Variants in R3HDM1 observed in about 807,000 individuals in gnomAD.
The protein encoded by R3HDM1 is R3H domain-containing protein 1.
A neutral mutation model predicts 141.1 loss-of-function variants in R3HDM1; 46 were observed. That is an observed-to-expected ratio of 0.33 (90% CI 0.26 to 0.42). The LOEUF is 0.42. Ranked by LOEUF, R3HDM1 falls within the 10% of genes least tolerant of loss-of-function variation. R3HDM1 has a pLI of 1.00. For missense variants in R3HDM1, 1,184 were observed against 1,368.3 expected (o/e 0.87, Z 2.12); for synonymous variants, 435 against 472.9 (o/e 0.92, Z 1.04).
chr2:135,667,161 T>TC, intron 19 of R3HDM1: 1 of 974,940 alleles, frequency 1.0e-6, no homozygotes, highest in South Asian at 4.8e-5. Flanking sequence ...TAATGCCTGT[T>TC]CAATACTTTT....
At chr2:135,708,584 G>C (rs2075233778) in intron 21 of R3HDM1, among the ~76,000 whole-genome samples, 1 of 152,062 alleles carries the variant, frequency 6.6e-6, no homozygotes, top group Non-Finnish European at 1.5e-5. Flanking sequence ...GTATCATTCT[G>C]TGGTTTTTAA....
chr2:135,658,201 C>G (rs758915261), intron 18 of R3HDM1, among the ~76,000 whole-genome samples: 1 of 152,142 alleles, frequency 6.6e-6, no homozygotes, highest in Non-Finnish European at 1.5e-5. Context: ...GAGTCTCGCT[C>G]TGCCGCCAGG....
intron 1 of R3HDM1, 49 bp from the exon 2 acceptor site, chr2:135,602,451 A>G (rs1295027759): frequency 2.6e-6 from 3 of 1,174,928 alleles, no homozygotes; most frequent in African/African-American, 1.6e-5. Flanking sequence ...GGAGTGTTCC[A>G]TTTCCCTTGG....
At chr2:135,688,948 T>A (rs909113561) in intron 21 of R3HDM1, among the ~76,000 whole-genome samples, 2 of 152,294 alleles carry the variant, frequency 1.3e-5, no homozygotes, top group East Asian at 3.9e-4. Flanking sequence ...AAAGAAATAC[T>A]GCAGAGTTTT....
In R3HDM1 at chr2:135,531,496, G is replaced by A. The variant is rs1409363721; in HGVS notation, c.-387G>A. On this transcript the variant is annotated 5_prime_UTR_variant, in exon 1 of 27. Transcript: ENST00000683871. The stretch of plus-strand genomic sequence containing the variant: ...GGGAAGGGGCGGGATTCTGCCAGCC[G>A]CGGCTGCCGCTGGAGCCGGTGTCCG... 15 of 985,678 alleles carry A rather than the reference G, an allele frequency of 1.5e-5. No homozygotes were observed. The highest frequency in any genetic ancestry group is 1.8e-5 in the Non-Finnish European group (15 of 830,034). 61.1% of individuals were successfully genotyped at this position (985,678 alleles called of 1,614,324 possible). A position where few individuals can be genotyped will look rare whatever the true frequency, so the allele number is the denominator to read the frequency against.
chr2:135,579,628 A>C (rs1435783128), intron 1 of R3HDM1, among the ~76,000 whole-genome samples: 1 of 150,224 alleles, frequency 6.7e-6, no homozygotes, highest in Non-Finnish European at 1.5e-5. Context: ...TACCACCTTA[A>C]CCAGGTAAAG....
chr2:135,684,748 G>T (rs2592399), intron 21 of R3HDM1, among the ~76,000 whole-genome samples: 4,309 of 147,334 alleles, frequency 0.029, 190 homozygotes, highest in African/African-American at 0.092. Flanking sequence ...ATTCTCTTGC[G>T]TTTTTTTTTT....
intron 1 of R3HDM1, among the ~76,000 whole-genome samples, chr2:135,579,365 G>A (rs149733379): frequency 6.6e-6 from 1 of 152,104 alleles, no homozygotes; most frequent in African/African-American, 2.4e-5. Flanking sequence ...ATAGATGGGA[G>A]GGATAGGAAG....
chr2:135,568,905 G>A (rs1248900329), intron 1 of R3HDM1: 1 of 152,010 alleles, frequency 6.6e-6, no homozygotes, highest in African/African-American at 2.4e-5. Context: ...GACAGCGAAG[G>A]GAAGACTTCC....
rs75787066 is a variant in R3HDM1, at chr2:135,676,120, G to A, written c.2307+634G>A. Reference sequence around the variant, plus strand: ...GCAGGCAGATTACTTGAGATCAAGAGTTCCAGGTCAGCCTGGCCAACATTG... The same window carrying A: ...GCAGGCAGATTACTTGAGATCAAGAATTCCAGGTCAGCCTGGCCAACATTG... On this transcript the variant is annotated intron_variant, in intron 20 of 26. Coordinates refer to ENST00000683871, the MANE Select transcript of R3HDM1 (RefSeq NM_001378107.1). Among the ~76,000 whole-genome samples, 1,613 of 152,296 alleles carry A rather than the reference G, an allele frequency of 0.011. 98 individuals are homozygous for A. The East Asian group carries it at 0.19, about 18-fold the overall frequency.
chr2:135,608,997 T>C (rs2060305179), intron 3 of R3HDM1, among the ~76,000 whole-genome samples: 1 of 152,206 alleles, frequency 6.6e-6, no homozygotes, highest in South Asian at 2.1e-4. Flanking sequence ...AATATATACA[T>C]TTTGAGTGAA....
At chr2:135,616,119 G>A in intron 3 of R3HDM1, 33 bp from the exon 4 acceptor site, 1 of 1,600,230 alleles carries the variant, frequency 6.2e-7, no homozygotes, top group Non-Finnish European at 8.6e-7. Context: ...GTTTCAGTAT[G>A]AAATTTAATA....
At chr2:135,534,206 C>T (rs955121819) in intron 1 of R3HDM1, among the ~76,000 whole-genome samples, 4 of 152,170 alleles carry the variant, frequency 2.6e-5, no homozygotes, top group Admixed American at 2.0e-4. Context: ...TTAGTGTACT[C>T]CATGTAGTGG....
intron 21 of R3HDM1, among the ~76,000 whole-genome samples, chr2:135,690,058 A>C (rs1002574542): frequency 1.3e-5 from 2 of 152,086 alleles, no homozygotes; most frequent in Non-Finnish European, 2.9e-5. Context: ...GTTTCACAGA[A>C]TCTTTATGAA....
chr2:135,622,526 AC>A, intron 6 of R3HDM1, 127 bp from the exon 7 acceptor site: 4 of 1,343,026 alleles, frequency 3.0e-6, no homozygotes, highest in Non-Finnish European at 3.8e-6. Context: ...AACTTTTCCT[AC>A]TTTGTCGAAT....
intron 9 of R3HDM1, among the ~76,000 whole-genome samples, chr2:135,632,364 C>T (rs1007536424): frequency 4.0e-5 from 6 of 151,158 alleles, no homozygotes; most frequent in African/African-American, 1.5e-4. Context: ...AGAGAGCAGA[C>T]TTTGTCCGTG....
rs190085631 is a variant in R3HDM1, at chr2:135,641,157, G to A, written c.1220-379G>A. The stretch of plus-strand genomic sequence containing the variant: ...TATTAAAGATTTTGGGCATTTTGCT[G>A]TACTAAATTCTTTTTCCTGGGGGAA... On this transcript the variant is annotated intron_variant, in intron 14 of 26. Transcript: ENST00000683871. 5.3e-5 allele frequency among the ~76,000 whole-genome samples: 8 copies of A among 152,178 alleles called. No individual in the cohort carries two copies. In the South Asian group the frequency reaches 1.4e-3, roughly 28 times the overall value.
At chr2:135,691,664 G>A (rs1432137653) in intron 21 of R3HDM1, among the ~76,000 whole-genome samples, 1 of 151,764 alleles carries the variant, frequency 6.6e-6, no homozygotes, top group East Asian at 2.0e-4. Context: ...TTGGTGGTGG[G>A]CCCCTGTAAT....
intron 3 of R3HDM1, among the ~76,000 whole-genome samples, chr2:135,612,309 A>C (rs2060621601): frequency 6.6e-6 from 1 of 152,216 alleles, no homozygotes; most frequent in Non-Finnish European, 1.5e-5. Flanking sequence ...AACCTCTTCA[A>C]GGTGTTTTGA....
Sources: allele counts gnomAD v4.1 joint callset (sites outside exome capture counted in the v4.1 genomes callset), GRCh38; gene constraint gnomAD v4.1.1; transcripts MANE v1.5; gene names NCBI Gene and HGNC (gene_info 2026-07-23, HGNC 2026-07-21).